Variants in GLT8D2 observed in about 807,000 individuals in gnomAD.
GLT8D2 encodes glycosyltransferase 8 domain-containing protein 2.
A neutral mutation model predicts 44.5 loss-of-function variants in GLT8D2; 45 were observed. The ratio of observed to expected loss-of-function variants is 1.01; its 90% confidence interval spans 0.80 to 1.30. GLT8D2 has a LOEUF of 1.30. Ranked by LOEUF, GLT8D2 falls within the 50% of genes most tolerant of loss-of-function variation. GLT8D2 has a pLI of 0.00. For synonymous variants in GLT8D2, 156 were observed against 157.2 expected, an observed-to-expected ratio of 0.99 and a Z score of 0.06; for missense variants, 400 against 430.4, an observed-to-expected ratio of 0.93 and a Z score of 0.62.
At chr12:104,029,895 T>C (rs1879049621) in intron 1 of GLT8D2, 1 of 152,110 alleles carries the variant, frequency 6.6e-6, no homozygotes, top group South Asian at 2.1e-4. Flanking sequence ...GAATCAACAT[T>C]GTCAAAATGT....
intron 1 of GLT8D2, among the ~76,000 whole-genome samples, chr12:104,025,995 G>A (rs1878518779): frequency 6.6e-6 from 1 of 152,100 alleles, no homozygotes; most frequent in African/African-American, 2.4e-5. Flanking sequence ...ATTCAATAAT[G>A]TGGCCAGGTA....
At chr12:104,023,011 G>A (rs1213729635) in intron 1 of GLT8D2, among the ~76,000 whole-genome samples, 4 of 152,144 alleles carry the variant, frequency 2.6e-5, no homozygotes, top group Non-Finnish European at 5.9e-5. Context: ...TAAAGAATTG[G>A]CCCATGAGAA....
In GLT8D2 at chr12:103,994,424, G is replaced by A. The variant is rs773091522; in HGVS notation, c.678C>T (p.Phe226=). 6.2e-7 allele frequency: 1 copy of A among 1,614,118 alleles called. No individual in the cohort carries two copies. The highest frequency in any genetic ancestry group is 1.7e-5 in the Admixed American group (1 of 60,020). The change falls in exon 9 of 11, where the codon TTC becomes TTT. Residue 226 remains phenylalanine, a synonymous_variant. Transcript: ENST00000360814. Reference sequence around the variant, plus strand: ...TGTTGGCAACAATCACACCAGGATTGAAAGAGCAGGTGCTGGGGCTGATGC... The same window carrying A: ...TGTTGGCAACAATCACACCAGGATTAAAAGAGCAGGTGCTGGGGCTGATGC... ...DLGISPSTCS[F]NPGVIVANMT... is the part of the protein sequence containing the mutation.
intron 8 of GLT8D2, among the ~76,000 whole-genome samples, chr12:103,995,269 C>A (rs1056395983): frequency 6.6e-6 from 1 of 152,156 alleles, no homozygotes; most frequent in Non-Finnish European, 1.5e-5. Flanking sequence ...ACAGAAACAG[C>A]CAGATTTCCT....
chr12:104,020,175 G>A (rs560742495), intron 2 of GLT8D2, among the ~76,000 whole-genome samples: 1 of 152,132 alleles, frequency 6.6e-6, no homozygotes, highest in East Asian at 1.9e-4. Flanking sequence ...ATCCATCTTA[G>A]CCTCCCAAAG....
rs1430708016 is a variant in GLT8D2, at chr12:104,021,462, C to G, written c.-134G>C. On this transcript the variant is annotated 5_prime_UTR_variant, in exon 2 of 11. Transcript: ENST00000360814. Reference sequence around the variant, plus strand: ...CACGCTCTGCACCTTCTAACCTCAGCCCACCTCCACGCTGCTCTTCCCACA... The same window carrying G: ...CACGCTCTGCACCTTCTAACCTCAGGCCACCTCCACGCTGCTCTTCCCACA... 6.6e-6 allele frequency: 1 copy of G among 152,510 alleles called. No individual in the cohort carries two copies. Among genetic ancestry groups the G allele is most frequent in the African/African-American group, 2.4e-5 (1 of 41,404 alleles). 9.4% of individuals were successfully genotyped at this position (152,510 alleles called of 1,614,324 possible).
At chr12:104,040,997 T>C (rs994123625) in intron 1 of GLT8D2, among the ~76,000 whole-genome samples, 4 of 152,108 alleles carry the variant, frequency 2.6e-5, no homozygotes, top group Non-Finnish European at 5.9e-5. Flanking sequence ...CTGGGCACGG[T>C]GGCTCACGCC....
intron 1 of GLT8D2, among the ~76,000 whole-genome samples, chr12:104,049,252 GTT>G (rs559503335): frequency 2.8e-5 from 4 of 141,708 alleles, no homozygotes; most frequent in South Asian, 2.3e-4. Flanking sequence ...TCTCTCTCAG[GTT>G]TTTTTTTTTT....
chr12:104,032,971 C>T lies in GLT8D2; in HGVS notation c.-163-11480G>A, dbSNP rs149748351. On this transcript the variant is annotated intron_variant, in intron 1 of 10. Transcript: ENST00000360814. ...CTTGGCTCACTGCAACCTCCGCTTC[C>T]GGGGTTCAAGCGATTCTCCTGCCTC... Among the ~76,000 whole-genome samples, 38 of 151,878 alleles carry T rather than the reference C, an allele frequency of 2.5e-4. No homozygotes were observed. The East Asian group carries it at 6.0e-3, about 24-fold the overall frequency.
At chr12:104,040,529 G>A (rs926987732) in intron 1 of GLT8D2, among the ~76,000 whole-genome samples, 2 of 152,108 alleles carry the variant, frequency 1.3e-5, no homozygotes, top group Non-Finnish European at 2.9e-5. Flanking sequence ...GGGTTTACGC[G>A]ATTCTCCTGC....
rs901057588 is a variant in GLT8D2 at position 104,028,295 on chromosome 12, T to C, written c.-163-6804A>G. On this transcript the variant is annotated intron_variant, in intron 1 of 10. Transcript: ENST00000360814. ...AAAAAATGATGTGTGTGTGTGCATG[T>C]GCGTGTGTGTGTGTGTATAATTGCA... 4.6e-5 allele frequency among the ~76,000 whole-genome samples: 7 copies of C among 152,088 alleles called. No individual in the cohort carries two copies. In the South Asian group the frequency reaches 6.2e-4, roughly 14 times the overall value.
chr12:104,051,503 G>A (rs1049837437), upstream of GLT8D2, among the ~76,000 whole-genome samples: 4 of 151,694 alleles, frequency 2.6e-5, no homozygotes, highest in East Asian at 1.9e-4. Flanking sequence ...ATATTCATGG[G>A]GTACATATTG....
intron 1 of GLT8D2, chr12:104,031,468 G>T (rs1232605811): frequency 1.2e-5 from 19 of 1,613,152 alleles, no homozygotes; most frequent in Non-Finnish European, 1.6e-5. Context: ...TCAAGCCCAT[G>T]CAGTTTCTGG....
intron 5 of GLT8D2, among the ~76,000 whole-genome samples, chr12:104,000,486 A>G (rs904366971): frequency 2.0e-5 from 3 of 152,206 alleles, no homozygotes; most frequent in Non-Finnish European, 2.9e-5. Flanking sequence ...GATCCAGTAA[A>G]CTGCACACTG....
chr12:104,016,884 A>AAGAAAGAAAGAG (rs1876936846), intron 3 of GLT8D2, among the ~76,000 whole-genome samples: 1 of 136,404 alleles, frequency 7.3e-6, no homozygotes, highest in Admixed American at 7.2e-5. Context: ...GAAAGAAAGA[A>AAGAAAGAAAGAG]AAATAAAGAG....
chr12:104,010,331 T>C (rs1456266563), intron 4 of GLT8D2, among the ~76,000 whole-genome samples: 1 of 152,238 alleles, frequency 6.6e-6, no homozygotes, highest in Non-Finnish European at 1.5e-5. Flanking sequence ...TTGCACATGA[T>C]GTTCCTTCCC....
intron 3 of GLT8D2, among the ~76,000 whole-genome samples, chr12:104,015,496 G>T (rs1320193260): frequency 2.0e-5 from 3 of 151,694 alleles, no homozygotes; most frequent in African/African-American, 7.3e-5. Context: ...GCTGAGATAG[G>T]AGGATGGCTT....
At chr12:103,998,415 A>T (rs1183641915) in intron 6 of GLT8D2, among the ~76,000 whole-genome samples, 2 of 151,060 alleles carry the variant, frequency 1.3e-5, no homozygotes, top group South Asian at 2.1e-4. Context: ...ATTAAAAAAA[A>T]ATTTTTTTTT....
At chr12:104,023,872 T>C (rs1878225734) in intron 1 of GLT8D2, among the ~76,000 whole-genome samples, 1 of 152,238 alleles carries the variant, frequency 6.6e-6, no homozygotes, top group Admixed American at 6.5e-5. Flanking sequence ...CAATAGTTTG[T>C]ACCTTTTTAT....
Sources: gnomAD v4.1 joint callset for allele counts (sites outside exome capture counted in the v4.1 genomes callset) on GRCh38, gnomAD v4.1.1 for gene constraint, MANE v1.5 for transcripts, NCBI Gene and HGNC (gene_info 2026-07-23, HGNC 2026-07-21) for gene names.